The following LYRM4 variants were observed in gnomAD, a reference collection of about 807,000 sequenced individuals.
The protein encoded by LYRM4 is LYR motif containing 4.
LYRM4 carries 9 observed loss-of-function variants against 11.7 expected under a neutral mutation model. The observed-to-expected ratio is 0.77, with a 90% confidence interval of 0.46 to 1.34. LYRM4 has a LOEUF of 1.34. Ranked by LOEUF, LYRM4 falls within the 40% of genes most tolerant of loss-of-function variation. LYRM4 has a pLI of 0.00. For synonymous variants in LYRM4, 42 were observed against 40.4 expected (o/e 1.04, Z -0.15); for missense variants, 133 against 112.5 (o/e 1.18, Z -0.82).
chr6:5,237,118 G>A (rs546042486), intron 1 of LYRM4, among the ~76,000 whole-genome samples: 3 of 152,292 alleles, frequency 2.0e-5, no homozygotes, highest in South Asian at 4.1e-4. Context: ...CACATCCACT[G>A]GTGTTTAAAA....
intron 2 of LYRM4, among the ~76,000 whole-genome samples, chr6:5,204,568 A>C (rs900234891): frequency 1.3e-5 from 2 of 152,170 alleles, no homozygotes; most frequent in Admixed American, 1.3e-4. Context: ...ATGCAGACTC[A>C]CTGAGCGCTA....
At chr6:5,216,355 T>C (rs1762272417) in intron 2 of LYRM4, among the ~76,000 whole-genome samples, 1 of 152,232 alleles carries the variant, frequency 6.6e-6, no homozygotes, top group Admixed American at 6.5e-5. Flanking sequence ...AAAAAATTAA[T>C]GCAGAAGTTT....
intron 1 of LYRM4, 74 bp from the exon 2 acceptor site, chr6:5,216,812 G>C: frequency 6.5e-7 from 1 of 1,535,670 alleles, no homozygotes; most frequent in Non-Finnish European, 8.7e-7. Context: ...GAATTTTAAA[G>C]TTTTTCCTTT....
At chr6:5,164,017 AT>A (rs1251525061) in intron 2 of LYRM4, among the ~76,000 whole-genome samples, 1 of 152,244 alleles carries the variant, frequency 6.6e-6, no homozygotes, top group East Asian at 1.9e-4. Context: ...TGAAAAGGCA[AT>A]CATCTCGTTA....
At chr6:5,128,061 T>C (rs977808826) in intron 2 of LYRM4, among the ~76,000 whole-genome samples, 5 of 152,226 alleles carry the variant, frequency 3.3e-5, no homozygotes, top group African/African-American at 1.2e-4. Context: ...CACCATCCTT[T>C]ACAATTTTTT....
At chr6:5,140,601 C>A (rs746695105) in intron 2 of LYRM4, among the ~76,000 whole-genome samples, 2 of 152,124 alleles carry the variant, frequency 1.3e-5, no homozygotes, top group Non-Finnish European at 2.9e-5. Context: ...CTGAGGATCC[C>A]GTTTCTGGAA....
At chr6:5,254,174 T>C (rs556271508) in intron 1 of LYRM4, among the ~76,000 whole-genome samples, 12 of 152,328 alleles carry the variant, frequency 7.9e-5, no homozygotes, top group South Asian at 4.1e-4. Context: ...ACGGCCCAAC[T>C]GTCTCCATAA....
rs1300057874 is a variant in LYRM4 at position 5,108,991 on chromosome 6, C to T, written c.*432G>A. ...TCAGAGTTGAACCCTCCCTGAGGGCCCCCAACAGCCCTCTCCAGGCCTTGT... is the reference window on the plus strand; with the variant it reads ...TCAGAGTTGAACCCTCCCTGAGGGCTCCCAACAGCCCTCTCCAGGCCTTGT... On this transcript the variant is annotated 3_prime_UTR_variant, in exon 3 of 3. Coordinates refer to ENST00000330636, the MANE Select transcript of LYRM4 (RefSeq NM_020408.6). 1.8e-5 allele frequency: 18 copies of T among 1,001,050 alleles called. No homozygotes were observed. Among genetic ancestry groups the T allele is most frequent in the Non-Finnish European group, 2.1e-5 (18 of 838,306 alleles). The allele number at this position is 1,001,050 out of a possible 1,614,324, so 62.0% of individuals were successfully genotyped here. A position where few individuals can be genotyped will look rare whatever the true frequency, so the allele number is the denominator to read the frequency against.
Position 5,144,200 on chromosome 6 carries a change from C to T in LYRM4, c.208-34709G>A, listed in dbSNP as rs1171867128. On this transcript the variant is annotated intron_variant, in intron 2 of 2. Coordinates refer to ENST00000330636, the MANE Select transcript of LYRM4 (RefSeq NM_020408.6). ...TTCCTCAAGGCCAACTTGTGCAGGG[C>T]TTCCCCAGGCTCCGGCTGCTGTTCC... 4.6e-6 allele frequency: 7 copies of T among 1,536,884 alleles called. No homozygotes were observed. The South Asian group carries it at 8.3e-5, about 18-fold the overall frequency.
chr6:5,041,422 C>G, the LYRM4 span, among the ~76,000 whole-genome samples: 2 of 152,208 alleles, frequency 1.3e-5, no homozygotes, highest in Non-Finnish European at 2.9e-5. Flanking sequence ...GATGTTCTCT[C>G]TAAAGGCTAC....
At chr6:5,039,116 A>AT in the LYRM4 span, among the ~76,000 whole-genome samples, 557 of 150,572 alleles carry the variant, frequency 3.7e-3, 4 homozygotes, top group African/African-American at 0.013. Context: ...ATTTATTTTC[A>AT]TTTTTTTTTC....
chr6:5,041,341 GC>G, the LYRM4 span, among the ~76,000 whole-genome samples: 2 of 152,168 alleles, frequency 1.3e-5, no homozygotes, highest in Admixed American at 6.5e-5. Context: ...TAAGTGCCTG[GC>G]CAGCTGTCAT....
chr6:5,038,934 GCTTTA>G, the LYRM4 span, among the ~76,000 whole-genome samples: 2 of 7,576 alleles, frequency 2.6e-4, no homozygotes, highest in South Asian at 6.7e-3. Flanking sequence ...GAGAGGGAGA[GCTTTA>G]GCTTGTATTT....
At chr6:5,154,369 C>T (rs1353066693) in intron 2 of LYRM4, among the ~76,000 whole-genome samples, 3 of 152,204 alleles carry the variant, frequency 2.0e-5, no homozygotes, top group Non-Finnish European at 4.4e-5. Context: ...CCCCTATTCC[C>T]CCATCTCCAG....
the LYRM4 span, among the ~76,000 whole-genome samples, chr6:5,090,494 T>C: frequency 1.3e-5 from 2 of 152,154 alleles, no homozygotes; most frequent in African/African-American, 4.8e-5. This position sits in a 1 kb window ranked among gnomAD's most constrained non-coding sequence, Gnocchi z 4.8. Context: ...ACACTGGAAG[T>C]CTCTGTCCAG....
intron 2 of LYRM4, among the ~76,000 whole-genome samples, chr6:5,120,124 T>C (rs1405733529): frequency 6.6e-6 from 1 of 152,124 alleles, no homozygotes; most frequent in Non-Finnish European, 1.5e-5. Flanking sequence ...CATCATCTCC[T>C]GACCTCGGGA....
At chr6:5,241,111 TAG>T (rs1561895388) in intron 1 of LYRM4, among the ~76,000 whole-genome samples, 1 of 152,220 alleles carries the variant, frequency 6.6e-6, no homozygotes, top group African/African-American at 2.4e-5. Flanking sequence ...GCCTGCTTAA[TAG>T]AGTTTTTATG....
At chr6:5,119,710 A>G (rs1763321403) in intron 2 of LYRM4, among the ~76,000 whole-genome samples, 1 of 145,922 alleles carries the variant, frequency 6.9e-6, no homozygotes, top group African/African-American at 2.6e-5. Flanking sequence ...AAATGCTTGA[A>G]CCTGGGAGGC....
chr6:5,085,220 C>G, the LYRM4 span: 13 of 445,900 alleles, frequency 2.9e-5, no homozygotes, highest in South Asian at 6.0e-4. Context: ...GGCCCTCCCC[C>G]GTCGCGGGCA....
Sources: gnomAD v4.1 joint callset for allele counts (sites outside exome capture counted in the v4.1 genomes callset) on GRCh38, gnomAD v4.1.1 for gene constraint, Gnocchi (gnomAD v3.1) non-coding constraint, MANE v1.5 for transcripts, NCBI Gene and HGNC (gene_info 2026-07-23, HGNC 2026-07-21) for gene names.